TLK1: variants seen among roughly 807,000 people sequenced by gnomAD.
TLK1 encodes the protein tousled like kinase 1.
Under a neutral mutation model 105.3 loss-of-function variants are expected in TLK1, and 24 were observed. The ratio of observed to expected loss-of-function variants is 0.23; its 90% CI spans 0.17 to 0.32. TLK1 has a LOEUF of 0.32. Among genes scored for constraint, TLK1 ranks in the 10% least tolerant of loss-of-function variants. The pLI is 1.00. For synonymous variants in TLK1, 321 were observed against 310.4 expected, an observed-to-expected ratio of 1.03 and a Z score of -0.36; for missense variants, 558 against 910.5, an observed-to-expected ratio of 0.61 and a Z score of 4.98.
At chr2:171,202,931 G>A (rs1174239847) in intron 1 of TLK1, among the ~76,000 whole-genome samples, 1 of 151,946 alleles carries the variant, frequency 6.6e-6, no homozygotes, top group African/African-American at 2.4e-5. Context: ...TTCTGTAGAA[G>A]AATGGTTTTT....
At chr2:171,185,312 G>A (rs1693006859) in intron 1 of TLK1, among the ~76,000 whole-genome samples, 3 of 151,944 alleles carry the variant, frequency 2.0e-5, no homozygotes, top group South Asian at 4.2e-4. Flanking sequence ...TTTCCACTCT[G>A]TTTCTAGGAT....
At chr2:171,021,029 C>G (rs1009759248) in intron 12 of TLK1, among the ~76,000 whole-genome samples, 1 of 152,116 alleles carries the variant, frequency 6.6e-6, no homozygotes, top group Non-Finnish European at 1.5e-5. Flanking sequence ...ATGTTTTGCT[C>G]TCTACACACT....
chr2:171,102,787 T>C (rs904703390), intron 2 of TLK1, among the ~76,000 whole-genome samples: 8 of 152,314 alleles, frequency 5.3e-5, no homozygotes, highest in South Asian at 4.1e-4. Flanking sequence ...AAAGTATTCA[T>C]TGAGGGCCTT....
chr2:171,077,491 G>A (rs1276171067), intron 3 of TLK1, among the ~76,000 whole-genome samples: 2 of 152,110 alleles, frequency 1.3e-5, no homozygotes, highest in Non-Finnish European at 2.9e-5. Flanking sequence ...ATTTGCTGTC[G>A]CTATTTCCTC....
chr2:171,178,161 T>C (rs974484178), intron 1 of TLK1, among the ~76,000 whole-genome samples: 5 of 152,222 alleles, frequency 3.3e-5, no homozygotes, highest in African/African-American at 1.2e-4. Context: ...CATTATCTAA[T>C]ATGCTCCTGT....
intron 2 of TLK1, among the ~76,000 whole-genome samples, chr2:171,112,341 A>G (rs1690212728): frequency 1.3e-5 from 2 of 152,242 alleles, no homozygotes; most frequent in African/African-American, 4.8e-5. Flanking sequence ...CTATTAAATT[A>G]TTGTATTAAT....
intron 1 of TLK1, among the ~76,000 whole-genome samples, chr2:171,201,802 G>A (rs533988855): frequency 3.2e-4 from 49 of 152,108 alleles, no homozygotes; most frequent in Non-Finnish European, 5.1e-4. Context: ...ACTACAGCTC[G>A]ATGTGACCAA....
intron 1 of TLK1, among the ~76,000 whole-genome samples, chr2:171,170,684 G>A (rs1398407616): frequency 6.6e-6 from 1 of 152,226 alleles, no homozygotes; most frequent in African/African-American, 2.4e-5. Flanking sequence ...AGGGAGCGTA[G>A]CTGCCCCATA....
At chr2:171,197,795 A>T (rs1693303278) in intron 1 of TLK1, among the ~76,000 whole-genome samples, 1 of 149,608 alleles carries the variant, frequency 6.7e-6, no homozygotes, top group African/African-American at 2.5e-5. Context: ...AAAACCAAAC[A>T]AACAAAAAAC....
At chr2:171,129,270 T>C (rs1690999443) in intron 1 of TLK1, among the ~76,000 whole-genome samples, 1 of 152,182 alleles carries the variant, frequency 6.6e-6, no homozygotes, top group African/African-American at 2.4e-5. Flanking sequence ...CAATACCTCC[T>C]TGTCTCCAAA....
chr2:171,211,833 C>A (rs1449713425), intron 1 of TLK1, among the ~76,000 whole-genome samples: 2 of 151,328 alleles, frequency 1.3e-5, no homozygotes, highest in Admixed American at 1.3e-4. Flanking sequence ...CAGGCGTGAG[C>A]CACTGTGCCC....
chr2:171,152,364 G>A (rs116611653), intron 1 of TLK1, among the ~76,000 whole-genome samples: 37 of 152,214 alleles, frequency 2.4e-4, no homozygotes, highest in Non-Finnish European at 5.1e-4. Flanking sequence ...AAGCCACATT[G>A]GAAAAATTTA....
In TLK1 at chr2:171,220,020, T is replaced by C. The variant is rs990546129; in HGVS notation, c.-6+11125A>G. ...CGCTTTGGGGGTTAGGGTTTCAACA[T>C]AGGAATTTTGGGAGGACACAAACAT... On this transcript the variant is annotated intron_variant, in intron 1 of 20. Coordinates refer to the TLK1 transcript ENST00000521943. 1.2e-4 allele frequency among the ~76,000 whole-genome samples: 18 copies of C among 152,120 alleles called. 1 individual carries two copies. The highest frequency in any genetic ancestry group is 1.0e-4 in the Non-Finnish European group (7 of 68,014).
chr2:171,093,377 A>G (rs1459988478), intron 2 of TLK1, among the ~76,000 whole-genome samples: 1 of 152,246 alleles, frequency 6.6e-6, no homozygotes, highest in African/African-American at 2.4e-5. Flanking sequence ...AGGTAATCAG[A>G]GAAACATCCT....
At chr2:171,016,726 G>A (rs1559344412) in intron 12 of TLK1, among the ~76,000 whole-genome samples, 1 of 152,094 alleles carries the variant, frequency 6.6e-6, no homozygotes, top group Non-Finnish European at 1.5e-5. Flanking sequence ...ACCTAAGACA[G>A]AAATTCAGAG....
At position 171,160,661 on chromosome 2, in the gene TLK1, C is replaced by G; in HGVS notation, c.-233G>C. The G allele has an allele frequency of 1.7e-6, 1 of 594,638 alleles. No homozygotes were observed. The highest frequency in any genetic ancestry group is 3.5e-5 in the East Asian group (1 of 28,868). The allele number at this position is 594,638 out of a possible 1,614,324, so 36.8% of individuals were successfully genotyped here. A position where few individuals can be genotyped will look rare whatever the true frequency, so the allele number is the denominator to read the frequency against. On this transcript the variant is annotated 5_prime_UTR_variant, in exon 1 of 21. Coordinates refer to ENST00000431350, the MANE Select transcript of TLK1 (RefSeq NM_012290.5). The surrounding 1 kb of genome is among the most constrained non-coding windows in gnomAD (Gnocchi z 4.4). Reference sequence around the variant, plus strand: ...AGGGAAAGGGGGAGAAGCGAGGGAGCGAGCGGGCGCGCCAGAGGAGAGGAG... The same window carrying G: ...AGGGAAAGGGGGAGAAGCGAGGGAGGGAGCGGGCGCGCCAGAGGAGAGGAG...
intron 1 of TLK1, among the ~76,000 whole-genome samples, chr2:171,169,065 G>A (rs1440020918): frequency 6.6e-6 from 1 of 150,690 alleles, no homozygotes; most frequent in Non-Finnish European, 1.5e-5. Context: ...GCAACAGAGT[G>A]AGACCCTTTC....
intron 1 of TLK1, among the ~76,000 whole-genome samples, chr2:171,225,561 T>C (rs751647955): frequency 5.9e-5 from 9 of 152,200 alleles, no homozygotes; most frequent in South Asian, 2.1e-4. Context: ...AACAGTCTTG[T>C]AGTTCTTTAA....
chr2:171,049,596 G>A (rs904615665), intron 10 of TLK1, among the ~76,000 whole-genome samples: 2 of 152,100 alleles, frequency 1.3e-5, no homozygotes, highest in Admixed American at 1.3e-4. Flanking sequence ...GTCAGAATTA[G>A]AATAATATAT....
Sources: gnomAD v4.1 joint callset for allele counts (sites outside exome capture counted in the v4.1 genomes callset) on GRCh38, gnomAD v4.1.1 for gene constraint, Gnocchi (gnomAD v3.1) non-coding constraint, MANE v1.5 for transcripts, NCBI Gene and HGNC (gene_info 2026-07-23, HGNC 2026-07-21) for gene names.